The following SYNPR variants were observed in gnomAD, a reference collection of about 807,000 sequenced individuals.
SYNPR encodes synaptoporin.
Under a neutral mutation model 32.9 loss-of-function variants are expected in SYNPR, and 23 were observed. The ratio of observed to expected loss-of-function variants is 0.70; its 90% CI spans 0.50 to 0.99. The LOEUF is 0.99. Ranked by LOEUF, SYNPR falls within the 50% of genes least tolerant of loss-of-function variation. SYNPR has a pLI of 0.00. For missense variants in SYNPR, 318 were observed against 349.3 expected, an observed-to-expected ratio of 0.91 and a Z score of 0.71; for synonymous variants, 146 against 135.9, an observed-to-expected ratio of 1.07 and a Z score of -0.52.
intron 2 of SYNPR, among the ~76,000 whole-genome samples, chr3:63,337,600 G>A (rs562243665): frequency 9.2e-5 from 14 of 152,204 alleles, no homozygotes; most frequent in African/African-American, 1.4e-4. Flanking sequence ...TCCCCAAACC[G>A]GAAGCAACCA....
intron 3 of SYNPR, among the ~76,000 whole-genome samples, chr3:63,523,153 G>A (rs937113539): frequency 2.0e-5 from 3 of 152,042 alleles, no homozygotes; most frequent in Non-Finnish European, 4.4e-5. Flanking sequence ...ACGGTGGGGC[G>A]GTGCTGCCCT....
At chr3:63,420,175 T>G (rs529225484) in intron 2 of SYNPR, among the ~76,000 whole-genome samples, 1 of 152,318 alleles carries the variant, frequency 6.6e-6, no homozygotes, top group African/African-American at 2.4e-5. Flanking sequence ...AATGACATTT[T>G]AATTAAAAAT....
At chr3:63,479,374 C>A (rs78897817) in intron 2 of SYNPR, among the ~76,000 whole-genome samples, 2,890 of 152,180 alleles carry the variant, frequency 0.019, 94 homozygotes, top group African/African-American at 0.065. Flanking sequence ...ATCCTTATAT[C>A]TTTTGGTCAA....
chr3:63,365,493 AT>A (rs745726875), intron 2 of SYNPR, among the ~76,000 whole-genome samples: 6 of 152,308 alleles, frequency 3.9e-5, no homozygotes, highest in Non-Finnish European at 7.3e-5. Context: ...AAGAAGTTTA[AT>A]TTTAAATTTG....
At chr3:63,385,890 A>C (rs2088037083) in intron 2 of SYNPR, among the ~76,000 whole-genome samples, 1 of 152,212 alleles carries the variant, frequency 6.6e-6, no homozygotes, top group African/African-American at 2.4e-5. Flanking sequence ...TGGGGGTTCT[A>C]ACCTCAGAGA....
the SYNPR span, among the ~76,000 whole-genome samples, chr3:63,222,287 A>G: frequency 6.6e-6 from 1 of 152,086 alleles, no homozygotes; most frequent in African/African-American, 2.4e-5. Context: ...GAACCTAAGA[A>G]TAGAATCATA....
chr3:63,373,471 A>T (rs2087845947), intron 2 of SYNPR, among the ~76,000 whole-genome samples: 1 of 152,214 alleles, frequency 6.6e-6, no homozygotes, highest in African/African-American at 2.4e-5. Context: ...CAAGCTGAGG[A>T]AACAATCTCA....
chr3:63,544,547 G>A (rs1242840966), intron 3 of SYNPR, among the ~76,000 whole-genome samples: 1 of 152,022 alleles, frequency 6.6e-6, no homozygotes, highest in Non-Finnish European at 1.5e-5. Context: ...GTTCTGTTAA[G>A]TTGCCTACCC....
chr3:63,324,774 G>C (rs1378922773), intron 2 of SYNPR, among the ~76,000 whole-genome samples: 1 of 152,096 alleles, frequency 6.6e-6, no homozygotes. Flanking sequence ...TTAGTATGGA[G>C]AGGACCTGGA....
chr3:63,256,747 G>C (rs1323025092), intron 2 of SYNPR, among the ~76,000 whole-genome samples: 5 of 152,116 alleles, frequency 3.3e-5, no homozygotes, highest in East Asian at 1.9e-4. Flanking sequence ...GAGAGAAGAA[G>C]GCTTCAGATG....
intron 2 of SYNPR, among the ~76,000 whole-genome samples, chr3:63,460,889 G>A (rs924372200): frequency 1.1e-4 from 16 of 152,146 alleles, no homozygotes; most frequent in Middle Eastern, 3.4e-3. Flanking sequence ...CACCACTCTG[G>A]GCAAATGATG....
chr3:63,603,636 T>G (rs898086997), intron 4 of SYNPR, among the ~76,000 whole-genome samples: 1 of 152,228 alleles, frequency 6.6e-6, no homozygotes, highest in Admixed American at 6.5e-5. Context: ...GTTAATTTGG[T>G]AAATCACATT....
intron 4 of SYNPR, among the ~76,000 whole-genome samples, chr3:63,595,732 T>A (rs1188070340): frequency 3.5e-5 from 1 of 28,508 alleles, no homozygotes; most frequent in Non-Finnish European, 5.0e-5. Context: ...TATATATATA[T>A]ATATATATAT....
chr3:63,566,326 T>A (rs1203438035), intron 4 of SYNPR, among the ~76,000 whole-genome samples: 2 of 152,346 alleles, frequency 1.3e-5, no homozygotes, highest in East Asian at 3.9e-4. Flanking sequence ...TTTTTGCTAA[T>A]TCATCTTGTA....
intron 3 of SYNPR, among the ~76,000 whole-genome samples, chr3:63,501,182 A>G (rs1354310332): frequency 6.6e-6 from 1 of 152,166 alleles, no homozygotes; most frequent in African/African-American, 2.4e-5. Flanking sequence ...TAGGGTTATT[A>G]TGAAAATTAA....
At chr3:63,549,144 A>G (rs1702459761) in intron 3 of SYNPR, among the ~76,000 whole-genome samples, 1 of 152,190 alleles carries the variant, frequency 6.6e-6, no homozygotes, top group African/African-American at 2.4e-5. Context: ...GGAAATTAGC[A>G]AGTTTTTAAT....
intron 3 of SYNPR, among the ~76,000 whole-genome samples, chr3:63,510,078 G>C (rs979692529): frequency 6.6e-6 from 1 of 152,212 alleles, no homozygotes. Context: ...GAGTGGGGTT[G>C]ATGGTGAGTA....
chr3:63,543,179 T>TG (rs11389632), intron 3 of SYNPR, among the ~76,000 whole-genome samples: 42,747 of 151,854 alleles, frequency 0.28, 6,396 homozygotes, highest in African/African-American at 0.39. Context: ...AAAGTGAGAG[T>TG]AAAATGACAA....
intron 1 of SYNPR, among the ~76,000 whole-genome samples, chr3:63,236,121 G>T (rs1376875207): frequency 6.8e-6 from 1 of 147,582 alleles, no homozygotes; most frequent in African/African-American, 2.5e-5. Context: ...TGTTCCATTT[G>T]TTGAAAAGTC....
Sources: gnomAD v4.1 joint callset for allele counts (sites outside exome capture counted in the v4.1 genomes callset) on GRCh38, gnomAD v4.1.1 for gene constraint, MANE v1.5 for transcripts, NCBI Gene and HGNC (gene_info 2026-07-23, HGNC 2026-07-21) for gene names.